MUSK: variants seen among roughly 807,000 people sequenced by gnomAD.
MUSK encodes the protein muscle, skeletal receptor tyrosine-protein kinase.
Under a neutral mutation model 88.7 loss-of-function variants are expected in MUSK, and 55 were observed. The ratio of observed to expected loss-of-function variants is 0.62; its 90% CI spans 0.50 to 0.78. MUSK has a LOEUF of 0.78. Ranked by LOEUF, MUSK falls within the 30% of genes least tolerant of loss-of-function variation. The probability of loss-of-function intolerance (pLI) is 0.00; values close to 1 mark genes in which losing one functional copy is unlikely to be tolerated. For missense variants in MUSK, 1,015 were observed against 1,074.3 expected (o/e 0.94, Z 0.77); for synonymous variants, 387 against 391.9 (o/e 0.99, Z 0.15).
At chr9:110,725,143 G>A (rs2076867304) in intron 5 of MUSK, among the ~76,000 whole-genome samples, 1 of 151,976 alleles carries the variant, frequency 6.6e-6, no homozygotes, top group African/African-American at 2.4e-5. Flanking sequence ...TCTAAGTGAA[G>A]TAACTCAGGA....
intron 5 of MUSK, among the ~76,000 whole-genome samples, chr9:110,723,166 G>A (rs146838394): frequency 1.7e-4 from 26 of 151,488 alleles, no homozygotes; most frequent in African/African-American, 6.0e-4. Flanking sequence ...TAAAGAAAAT[G>A]TGAGACATAT....
intron 6 of MUSK, among the ~76,000 whole-genome samples, chr9:110,738,147 T>C (rs2077052167): frequency 6.6e-6 from 1 of 152,178 alleles, no homozygotes; most frequent in Admixed American, 6.6e-5. Context: ...TAGTTGATGT[T>C]AATTTTTCTA....
At chr9:110,673,857 A>G (rs1248394625) in intron 1 of MUSK, among the ~76,000 whole-genome samples, 1 of 152,206 alleles carries the variant, frequency 6.6e-6, no homozygotes, top group Non-Finnish European at 1.5e-5. Context: ...GAAGTCATCC[A>G]TACTTCCAGG....
chr9:110,757,973 T>C (rs966145311), intron 7 of MUSK, among the ~76,000 whole-genome samples: 3 of 152,200 alleles, frequency 2.0e-5, no homozygotes, highest in Non-Finnish European at 4.4e-5. Context: ...TTTATTTTGT[T>C]TTGTTTTGAG....
intron 9 of MUSK, among the ~76,000 whole-genome samples, chr9:110,773,869 G>A (rs1297390061): frequency 6.6e-6 from 1 of 152,114 alleles, no homozygotes; most frequent in African/African-American, 2.4e-5. Flanking sequence ...TCTCCAGATT[G>A]TAGAAAGATT....
At chr9:110,768,204 TAGG>T (rs1411987142) in intron 9 of MUSK, 121 bp downstream of exon 9, 7 of 1,077,692 alleles carry the variant, frequency 6.5e-6, no homozygotes, top group Middle Eastern at 3.1e-4. Context: ...TCATCCAAAA[TAGG>T]AGGTTAATGC....
chr9:110,751,269 A>T (rs756612258), intron 7 of MUSK, among the ~76,000 whole-genome samples: 2 of 152,194 alleles, frequency 1.3e-5, no homozygotes, highest in Non-Finnish European at 2.9e-5. Context: ...ACCAACAGGG[A>T]AATCTGTAAC....
chr9:110,756,303 C>A lies in MUSK; in HGVS notation c.914-5899C>A, dbSNP rs183559264. Among the ~76,000 whole-genome samples the A allele has an allele frequency of 2.9e-3, 437 of 151,928 alleles. 2 individuals are homozygous for A. Among genetic ancestry groups the A allele is most frequent in the Non-Finnish European group, 2.8e-3 (187 of 67,956 alleles). ...TGTGGGAGATTCTTTACTGGTTCAA[C>A]CTCTCATAATCCCCAGTCCTTGATC... On this transcript the variant is annotated intron_variant, in intron 7 of 14. Transcript: ENST00000374448.
intron 7 of MUSK, among the ~76,000 whole-genome samples, chr9:110,758,662 T>C (rs2077359295): frequency 6.6e-6 from 1 of 152,214 alleles, no homozygotes; most frequent in African/African-American, 2.4e-5. Context: ...ATTCTATATC[T>C]AGAAAACCCC....
intron 7 of MUSK, among the ~76,000 whole-genome samples, chr9:110,751,593 A>G (rs2077248550): frequency 6.6e-6 from 1 of 152,170 alleles, no homozygotes; most frequent in Non-Finnish European, 1.5e-5. Flanking sequence ...GGTTGTGTAG[A>G]CTAGAACCAG....
chr9:110,691,100 A>G (rs2076350281), intron 3 of MUSK, among the ~76,000 whole-genome samples: 1 of 151,766 alleles, frequency 6.6e-6, no homozygotes, highest in Non-Finnish European at 1.5e-5. Context: ...CCTAACCTTG[A>G]GTAATCTGCC....
intron 5 of MUSK, among the ~76,000 whole-genome samples, chr9:110,699,751 C>T (rs900233894): frequency 8.6e-5 from 13 of 152,006 alleles, no homozygotes; most frequent in African/African-American, 2.4e-4. Flanking sequence ...TTGGGGCAGA[C>T]GAGCATATGT....
At chr9:110,715,108 A>G (rs1050158798) in intron 5 of MUSK, among the ~76,000 whole-genome samples, 8 of 149,792 alleles carry the variant, frequency 5.3e-5, no homozygotes, top group Non-Finnish European at 1.0e-4. Context: ...AATAAAATAA[A>G]GCCTTCTCCC....
chr9:110,675,162 G>T (rs1177101919), intron 1 of MUSK, among the ~76,000 whole-genome samples: 2 of 151,094 alleles, frequency 1.3e-5, no homozygotes. Context: ...GACTTGCAGA[G>T]TCGGTAAGTG....
chr9:110,672,097 G>T (rs7030683), intron 1 of MUSK, among the ~76,000 whole-genome samples: 34,073 of 152,094 alleles, frequency 0.22, 4,306 homozygotes, highest in East Asian at 0.34. Flanking sequence ...ATATTGACAT[G>T]CATTGAAAGA....
chr9:110,788,632 TA>T (rs1022651980), intron 14 of MUSK, among the ~76,000 whole-genome samples: 3 of 146,402 alleles, frequency 2.0e-5, no homozygotes, highest in Non-Finnish European at 4.5e-5. Flanking sequence ...ATTCCATCTT[TA>T]AAAAAGGAAG....
chr9:110,738,309 T>C (rs987716161), intron 6 of MUSK, among the ~76,000 whole-genome samples: 4 of 152,182 alleles, frequency 2.6e-5, no homozygotes, highest in African/African-American at 9.6e-5. Flanking sequence ...ACATGTGAGC[T>C]AAGATTATTA....
Position 110,801,167 on chromosome 9 carries a change from C to G in MUSK, c.*179C>G, listed in dbSNP as rs145973006. On this transcript the variant is annotated 3_prime_UTR_variant, in exon 15 of 15. Coordinates refer to ENST00000374448, the MANE Select transcript of MUSK (RefSeq NM_005592.4). ...TGCAAAACCCATGTGGTAGACGGAC[C>G]CATTGAAAGCCAGTGATTGGAAACA... The G allele has an allele frequency of 6.4e-4, 304 of 477,326 alleles. No homozygotes were observed. The highest frequency in any genetic ancestry group is 5.4e-3 in the African/African-American group (280 of 51,786). The allele number at this position is 477,326 out of a possible 1,614,324, so 29.6% of individuals were successfully genotyped here. A position where few individuals can be genotyped will look rare whatever the true frequency, so the allele number is the denominator to read the frequency against.
chr9:110,781,256 T>TTTTTG (rs148739068), intron 11 of MUSK, among the ~76,000 whole-genome samples: 9,294 of 146,232 alleles, frequency 0.064, 978 homozygotes, highest in African/African-American at 0.22. Context: ...TGTGTGTGTT[T>TTTTTG]TTTTGTTTTG....
Sources: allele counts gnomAD v4.1 joint callset (sites outside exome capture counted in the v4.1 genomes callset), GRCh38; gene constraint gnomAD v4.1.1; transcripts MANE v1.5; gene names NCBI Gene and HGNC (gene_info 2026-07-23, HGNC 2026-07-21).